Variants in PLAG1 observed in about 807,000 individuals in gnomAD.
The protein encoded by PLAG1 is PLAG1 zinc finger, also known as zinc finger protein PLAG1.
A neutral mutation model predicts 35.5 loss-of-function variants in PLAG1; 7 were observed. The ratio of observed to expected loss-of-function variants is 0.20; its 90% CI spans 0.11 to 0.37. The LOEUF (loss-of-function observed/expected upper bound fraction) is 0.37, where lower values mean the gene tolerates loss of function less well. Among genes scored for constraint, PLAG1 ranks in the 10% least tolerant of loss-of-function variants. The pLI, the probability that PLAG1 is intolerant of heterozygous loss-of-function variation, is 1.00. For synonymous variants in PLAG1, 229 were observed against 225.4 expected, an observed-to-expected ratio of 1.02 and a Z score of -0.14; for missense variants, 454 against 602.8, an observed-to-expected ratio of 0.75 and a Z score of 2.58.
At chr8:56,186,740 G>C (rs1222526913) in intron 1 of PLAG1, among the ~76,000 whole-genome samples, 2 of 150,620 alleles carry the variant, frequency 1.3e-5, no homozygotes, top group Non-Finnish European at 2.9e-5. Context: ...TTTTGAGACC[G>C]AGTTTCGCTC....
At chr8:56,200,267 G>A (rs183535463) in intron 1 of PLAG1, among the ~76,000 whole-genome samples, 2 of 152,304 alleles carry the variant, frequency 1.3e-5, no homozygotes, top group African/African-American at 4.8e-5. Flanking sequence ...TATAACACAA[G>A]TATTAAACCC....
chr8:56,197,603 T>G (rs893445465), intron 1 of PLAG1, among the ~76,000 whole-genome samples: 2 of 152,212 alleles, frequency 1.3e-5, no homozygotes, highest in African/African-American at 4.8e-5. Flanking sequence ...TAAACATAAT[T>G]TACACATACC....
chr8:56,183,211 T>C (rs946757959), intron 1 of PLAG1, among the ~76,000 whole-genome samples: 1 of 152,222 alleles, frequency 6.6e-6, no homozygotes, highest in African/African-American at 2.4e-5. Context: ...GAATGTATTG[T>C]GCAACTATGT....
At chr8:56,192,258 T>C (rs902447460) in intron 1 of PLAG1, among the ~76,000 whole-genome samples, 11 of 152,188 alleles carry the variant, frequency 7.2e-5, no homozygotes, top group African/African-American at 2.2e-4. Context: ...ACTTATCTTT[T>C]CGCCCACTCA....
chr8:56,166,351 A>G lies in PLAG1; in HGVS notation c.1395T>C (p.Asp465=). 6.2e-7 allele frequency: 1 copy of G among 1,613,930 alleles called. No homozygotes were observed. The highest frequency in any genetic ancestry group is 8.5e-7 in the Non-Finnish European group (1 of 1,179,842). The change falls in exon 5 of 5, where the codon GAT becomes GAC. Residue 465 remains aspartate, a synonymous_variant. Coordinates refer to ENST00000316981, the MANE Select transcript of PLAG1 (RefSeq NM_002655.3). ...QLPPQTQDLQ[D]PANTIGLGSL... The stretch of plus-strand genomic sequence containing the variant: ...ACCCAAGCCCTATAGTGTTTGCAGG[A>G]TCCTGAAGATCCTGTGTTTGTGGGG...
rs578184830 is a variant in PLAG1 at position 56,206,355 on chromosome 8, T to C, written c.-322+4766A>G. ...ACAACTTCAAATGTTAATAGCTCAA[T>C]ACTTTTATAAAATGTTATAATCTAA... On this transcript the variant is annotated intron_variant, in intron 1 of 4. Coordinates refer to ENST00000316981, the MANE Select transcript of PLAG1 (RefSeq NM_002655.3). Among the ~76,000 whole-genome samples the C allele has an allele frequency of 2.0e-5, 3 of 152,204 alleles. No homozygotes were observed. In the East Asian group the frequency reaches 5.8e-4, roughly 29 times the overall value.
chr8:56,204,976 A>G (rs1812658265), intron 1 of PLAG1, among the ~76,000 whole-genome samples: 2 of 151,952 alleles, frequency 1.3e-5, no homozygotes, highest in Non-Finnish European at 2.9e-5. Flanking sequence ...CTCTTTCAGA[A>G]AAGCACTTGC....
rs576478979 is a variant in PLAG1 at position 56,197,643 on chromosome 8, A to C, written c.-322+13478T>G. On this transcript the variant is annotated intron_variant, in intron 1 of 4. Transcript: ENST00000316981. Reference sequence around the variant, plus strand: ...CAGACAGATACAGCCTCCCACGCCCACTGTGCTTAGGTCTACGTGTTTCTC... The same window carrying C: ...CAGACAGATACAGCCTCCCACGCCCCCTGTGCTTAGGTCTACGTGTTTCTC... Among the ~76,000 whole-genome samples, 37 of 152,256 alleles carry C rather than the reference A, an allele frequency of 2.4e-4. 2 individuals carry two copies. In the South Asian group the frequency reaches 7.3e-3, roughly 30 times the overall value.
At chr8:56,186,360 T>G (rs562988404) in intron 1 of PLAG1, among the ~76,000 whole-genome samples, 1 of 152,270 alleles carries the variant, frequency 6.6e-6, no homozygotes, top group Admixed American at 6.5e-5. Context: ...TAGGTTATTT[T>G]ATTCATTTTT....
intron 1 of PLAG1, among the ~76,000 whole-genome samples, chr8:56,201,650 T>C (rs1375595345): frequency 1.3e-5 from 2 of 152,198 alleles, no homozygotes; most frequent in East Asian, 1.9e-4. Context: ...TTAGCTGCTA[T>C]AGGTCTGTCC....
intron 1 of PLAG1, among the ~76,000 whole-genome samples, chr8:56,182,975 A>C (rs1811915637): frequency 6.6e-6 from 1 of 152,158 alleles, no homozygotes; most frequent in African/African-American, 2.4e-5. Context: ...AAATGCATGG[A>C]GTTTGCTCAC....
intron 1 of PLAG1, among the ~76,000 whole-genome samples, chr8:56,201,959 TC>T (rs1346317253): frequency 7.0e-6 from 1 of 143,878 alleles, no homozygotes; most frequent in Non-Finnish European, 1.6e-5. Context: ...CTTTTTGGGC[TC>T]TTTTTTTTTT....
At chr8:56,171,780 G>A (rs1011715373) in intron 2 of PLAG1, among the ~76,000 whole-genome samples, 2 of 152,226 alleles carry the variant, frequency 1.3e-5, no homozygotes, top group African/African-American at 4.8e-5. Context: ...TCAAAAGCAT[G>A]CAAGAGAAGT....
rs565363193 is a variant in PLAG1, at chr8:56,166,110, C to T, written c.*133G>A. On this transcript the variant is annotated 3_prime_UTR_variant, in exon 5 of 5. Transcript: ENST00000316981. ...TTTAAAAGCTAGTTTCTATTTTATA[C>T]TGGCTTAATGAAAATTTGTATTATA... The T allele has an allele frequency of 1.7e-5, 10 of 579,224 alleles. No homozygotes were observed. The highest frequency in any genetic ancestry group is 8.6e-5 in the Admixed American group (3 of 35,030). The allele number at this position is 579,224 out of a possible 1,614,324, so 35.9% of individuals were successfully genotyped here.
At position 56,165,126 on chromosome 8, in the gene PLAG1, T is replaced by C. The variant is rs1811314776; in HGVS notation, c.*1117A>G. The C allele has an allele frequency of 4.8e-6, 1 of 209,394 alleles. No individual in the cohort carries two copies. The allele number at this position is 209,394 out of a possible 1,614,324, so 13.0% of individuals were successfully genotyped here. A position where few individuals can be genotyped will look rare whatever the true frequency, so the allele number is the denominator to read the frequency against. On this transcript the variant is annotated 3_prime_UTR_variant, in exon 5 of 5. Coordinates refer to ENST00000316981, the MANE Select transcript of PLAG1 (RefSeq NM_002655.3). ...ACATATCAAATTCAGCAAGAAATGA[T>C]ATAAGCGATATGCTTTTACTTTACT...
At chr8:56,178,070 A>T (rs1585790498) in intron 2 of PLAG1, 3 of 818,456 alleles carry the variant, frequency 3.7e-6, no homozygotes, top group Admixed American at 1.3e-4. Context: ...CCTTAAGCAC[A>T]TGGAACTACA....
rs1447166275 is a variant in PLAG1 at position 56,164,080 on chromosome 8, A to C, written c.*2163T>G. The C allele has an allele frequency of 5.4e-6, 1 of 186,778 alleles. No individual in the cohort carries two copies. Among genetic ancestry groups the C allele is most frequent in the Non-Finnish European group, 1.1e-5 (1 of 88,054 alleles). 11.6% of individuals were successfully genotyped at this position (186,778 alleles called of 1,614,324 possible). A position where few individuals can be genotyped will look rare whatever the true frequency, so the allele number is the denominator to read the frequency against. On this transcript the variant is annotated 3_prime_UTR_variant, in exon 5 of 5. Coordinates refer to ENST00000316981, the MANE Select transcript of PLAG1 (RefSeq NM_002655.3). ...CTACTTTCAGAAAAAATATTCTCCT[A>C]ATCAAAAGCTAGGAGCAGTTTGAAA...
chr8:56,184,360 G>T (rs1811955770), intron 1 of PLAG1, among the ~76,000 whole-genome samples: 1 of 152,152 alleles, frequency 6.6e-6, no homozygotes, highest in East Asian at 1.9e-4. Flanking sequence ...GAAACAAATA[G>T]AATTCCTATC....
chr8:56,191,192 G>T (rs1407238964), intron 1 of PLAG1, among the ~76,000 whole-genome samples: 3 of 152,144 alleles, frequency 2.0e-5, no homozygotes. Context: ...AGGAGGAGAG[G>T]ATTCTCCCAG....
Sources: allele counts gnomAD v4.1 joint callset (sites outside exome capture counted in the v4.1 genomes callset), GRCh38; gene constraint gnomAD v4.1.1; transcripts MANE v1.5; gene names NCBI Gene and HGNC (gene_info 2026-07-23, HGNC 2026-07-21).